The following CMIP variants were observed in gnomAD, a reference collection of about 807,000 sequenced individuals.
CMIP encodes C-Maf-inducing protein.
In CMIP, 13 loss-of-function variants were observed where a neutral mutation model predicts 97.3. That is an observed-to-expected ratio of 0.13 (90% CI 0.09 to 0.21). CMIP has a LOEUF of 0.21. Ranked by LOEUF, CMIP falls within the 10% of genes least tolerant of loss-of-function variation. The probability of loss-of-function intolerance (pLI) is 1.00; values close to 1 mark genes in which losing one functional copy is unlikely to be tolerated. For synonymous variants in CMIP, 538 were observed against 436.3 expected, an observed-to-expected ratio of 1.23 and a Z score of -2.91; for missense variants, 847 against 1,024.9, an observed-to-expected ratio of 0.83 and a Z score of 2.37.
rs190312357 is a variant in CMIP, at chr16:81,529,209, T to C, written c.301-78358T>C. Among the ~76,000 whole-genome samples the C allele has an allele frequency of 4.2e-3, 642 of 152,290 alleles. 11 individuals are homozygous for C. The highest frequency in any genetic ancestry group is 0.015 in the African/African-American group (609 of 41,550). On this transcript the variant is annotated intron_variant, in intron 1 of 20. Transcript: ENST00000537098. Reference sequence around the variant, plus strand: ...AGGTTGGGAGGATGAAGAAAAGCTTTCTGGAGGTCACAATGCTATTGCTGC... The same window carrying C: ...AGGTTGGGAGGATGAAGAAAAGCTTCCTGGAGGTCACAATGCTATTGCTGC...
At chr16:81,495,534 G>A (rs755387492) in intron 1 of CMIP, 3 of 1,606,926 alleles carry the variant, frequency 1.9e-6, no homozygotes, top group Non-Finnish European at 2.6e-6. Context: ...CCAGCTTGAT[G>A]TCTGTGCCTA....
chr16:81,704,054 C>T lies in CMIP; in HGVS notation c.2060C>T (p.Ser687Leu), dbSNP rs1183023088. The change falls in exon 18 of 21, where the codon TCG (serine) becomes TTG (leucine). Residue 687 changes from serine to leucine, a missense_variant. Coordinates refer to ENST00000537098, the MANE Select transcript of CMIP (RefSeq NM_198390.3). Reference protein sequence around the residue: ...ACAEHLIKLPSLKQLNLWSTQ... With the variant: ...ACAEHLIKLPLLKQLNLWSTQ... Reference sequence around the variant, plus strand: ...GCCGAGCACCTCATCAAACTGCCTTCGCTCAAGCAGCTGAACCTGTGGTCC... The same window carrying T: ...GCCGAGCACCTCATCAAACTGCCTTTGCTCAAGCAGCTGAACCTGTGGTCC... The T allele has an allele frequency of 5.0e-6, 8 of 1,605,288 alleles. No homozygotes were observed. Among genetic ancestry groups the T allele is most frequent in the Non-Finnish European group, 5.9e-6 (7 of 1,176,534 alleles).
At chr16:81,487,579 C>T (rs534079247) in intron 1 of CMIP, among the ~76,000 whole-genome samples, 7 of 152,306 alleles carry the variant, frequency 4.6e-5, no homozygotes, top group East Asian at 1.9e-4. Context: ...AGAGCCAGAG[C>T]GCAAGGCTCT....
intron 1 of CMIP, among the ~76,000 whole-genome samples, chr16:81,555,637 GCAGTGATGT>G: frequency 6.6e-6 from 1 of 152,316 alleles, no homozygotes; most frequent in Admixed American, 6.5e-5. Context: ...AGGCGGCCTG[GCAGTGATGT>G]GACCAAGTCT....
At chr16:81,530,835 G>A (rs531969564) in intron 1 of CMIP, among the ~76,000 whole-genome samples, 1 of 152,144 alleles carries the variant, frequency 6.6e-6, no homozygotes, top group East Asian at 1.9e-4. Context: ...TCTTCGATCA[G>A]TTCAGCTTCT....
intron 1 of CMIP, among the ~76,000 whole-genome samples, chr16:81,547,281 A>G (rs1398873911): frequency 6.6e-6 from 1 of 152,144 alleles, no homozygotes; most frequent in Non-Finnish European, 1.5e-5. Context: ...TGTCATGTTT[A>G]TGTGGCCGAG....
chr16:81,564,914 A>C (rs1340695841), intron 1 of CMIP, among the ~76,000 whole-genome samples: 1 of 151,594 alleles, frequency 6.6e-6, no homozygotes, highest in Non-Finnish European at 1.5e-5. Context: ...GAATGAGTGC[A>C]TGTGTGCCCG....
At chr16:81,523,107 A>G (rs1222553907) in intron 1 of CMIP, among the ~76,000 whole-genome samples, 1 of 152,064 alleles carries the variant, frequency 6.6e-6, no homozygotes, top group Non-Finnish European at 1.5e-5. Context: ...TTTGGTAGAG[A>G]CAGGACTTCG....
At chr16:81,618,086 C>T (rs1366380465) in intron 2 of CMIP, among the ~76,000 whole-genome samples, 1 of 152,206 alleles carries the variant, frequency 6.6e-6, no homozygotes, top group African/African-American at 2.4e-5. Flanking sequence ...CTGGTTGTAC[C>T]TCCTGCTTTT....
In CMIP at chr16:81,652,887, T is replaced by C. The variant is rs1460293957; in HGVS notation, c.639+523T>C. Among the ~76,000 whole-genome samples, 4 of 152,136 alleles carry C rather than the reference T, an allele frequency of 2.6e-5. No individual in the cohort carries two copies. Among genetic ancestry groups the C allele is most frequent in the Non-Finnish European group, 5.9e-5 (4 of 68,026 alleles). ...CGGCTGGGCCTCCTGTGCCATCTGC[T>C]TTGCTGGCCTCCTCGCATATTGAAT... On this transcript the variant is annotated intron_variant, in intron 4 of 20. Coordinates refer to ENST00000537098, the MANE Select transcript of CMIP (RefSeq NM_198390.3). This position sits in a 1 kb window ranked among gnomAD's most constrained non-coding sequence, Gnocchi z 5.2.
chr16:81,587,294 A>C (rs1433993241), intron 1 of CMIP, among the ~76,000 whole-genome samples: 4 of 152,216 alleles, frequency 2.6e-5, no homozygotes, highest in African/African-American at 9.6e-5. Flanking sequence ...CCAGCGATTA[A>C]ACATTTGAAA....
Position 81,641,470 on chromosome 16 carries a change from C to A in CMIP, c.478-10733C>A, listed in dbSNP as rs542199001. Among the ~76,000 whole-genome samples the A allele has an allele frequency of 2.2e-4, 34 of 152,200 alleles. No homozygotes were observed. In the South Asian group the frequency reaches 6.6e-3, roughly 30 times the overall value. ...ATCTGCGTGATGATTGGATTTTGCC[C>A]ACGGTGCAGCTGGCCTGAAGAGCCA... On this transcript the variant is annotated intron_variant, in intron 3 of 20. Transcript: ENST00000537098.
chr16:81,561,220 G>T (rs964045482), intron 1 of CMIP, among the ~76,000 whole-genome samples: 3 of 152,206 alleles, frequency 2.0e-5, no homozygotes, highest in African/African-American at 4.8e-5. Context: ...TTCCCAAAGT[G>T]CTGGGATTGC....
chr16:81,458,143 T>C (rs1906675909), intron 1 of CMIP, among the ~76,000 whole-genome samples: 1 of 152,182 alleles, frequency 6.6e-6, no homozygotes, highest in Non-Finnish European at 1.5e-5. Flanking sequence ...TTGGGGGAGA[T>C]GAGGAAGTGG....
chr16:81,693,146 T>C lies in CMIP; in HGVS notation c.1455-12T>C. 1 of 1,611,496 alleles carries C rather than the reference T, an allele frequency of 6.2e-7. No individual in the cohort carries two copies. The highest frequency in any genetic ancestry group is 2.2e-5 in the East Asian group (1 of 44,880). On this transcript the variant is annotated splice_polypyrimidine_tract_variant and intron_variant, in intron 11 of 20. Coordinates refer to ENST00000537098, the MANE Select transcript of CMIP (RefSeq NM_198390.3). ...CTGTTAACCGCCGTGTTTTCCCCTG[T>C]TTTTGTTGCAGAGCTCTCGCACATG... is the stretch of plus-strand genomic sequence containing the variant.
chr16:81,707,105 C>T (rs1908236699), intron 20 of CMIP, 21 bp downstream of exon 20: 1 of 1,602,198 alleles, frequency 6.2e-7, no homozygotes. Context: ...CCTTCCTCCC[C>T]ACTCTCCTCC....
chr16:81,696,703 G>A (rs757513283), intron 14 of CMIP, 36 bp downstream of exon 14: 33 of 1,585,424 alleles, frequency 2.1e-5, no homozygotes, highest in Non-Finnish European at 2.6e-5. Context: ...GACTTCCAGG[G>A]GTCCCTGGGC....
chr16:81,560,399 T>G (rs1367135593), intron 1 of CMIP, among the ~76,000 whole-genome samples: 1 of 152,026 alleles, frequency 6.6e-6, no homozygotes, highest in Non-Finnish European at 1.5e-5. Context: ...TTTGTATTTT[T>G]CATAGAGATG....
chr16:81,557,225 C>T (rs1436413803), intron 1 of CMIP, among the ~76,000 whole-genome samples: 1 of 152,186 alleles, frequency 6.6e-6, no homozygotes, highest in African/African-American at 2.4e-5. Flanking sequence ...ACCTCCCCCA[C>T]GAGATCATGA....
Sources: allele counts gnomAD v4.1 joint callset (sites outside exome capture counted in the v4.1 genomes callset), GRCh38; gene constraint gnomAD v4.1.1; non-coding constraint Gnocchi (gnomAD v3.1); transcripts MANE v1.5; gene names NCBI Gene and HGNC (gene_info 2026-07-23, HGNC 2026-07-21).